The following ADGRL3 variants were observed in gnomAD, a reference collection of about 807,000 sequenced individuals.
The protein encoded by ADGRL3 is calcium-independent alpha-latrotoxin receptor 3.
In ADGRL3, 62 loss-of-function variants were observed where a neutral mutation model predicts 153.5. The observed-to-expected ratio is 0.40, with a 90% CI of 0.33 to 0.50. The LOEUF (loss-of-function observed/expected upper bound fraction) is 0.50. Among genes scored for constraint, ADGRL3 ranks in the 20% least tolerant of loss-of-function variants. The pLI is 0.47. For synonymous variants in ADGRL3, 710 were observed against 672.5 expected (o/e 1.06, Z -0.86); for missense variants, 1,641 against 1,859.4 (o/e 0.88, Z 2.16).
rs556222540 is a variant in ADGRL3 at position 61,319,614 on chromosome 4, C to A, written c.-239-63510C>A. Among the ~76,000 whole-genome samples, 4 of 152,184 alleles carry A rather than the reference C, an allele frequency of 2.6e-5. No individual in the cohort carries two copies. In the South Asian group the frequency reaches 6.2e-4, roughly 24 times the overall value. ...AAGGCCCAACTTACTGTTTGCCAGA[C>A]TAATAAACTGAGAATTAATGTATCT... On this transcript the variant is annotated intron_variant, in intron 1 of 26. Transcript: ENST00000683033.
intron 1 of ADGRL3, among the ~76,000 whole-genome samples, chr4:61,268,907 C>T (rs28397991): frequency 0.032 from 4,822 of 151,550 alleles, 258 homozygotes; most frequent in African/African-American, 0.11. Flanking sequence ...TAAGTAATTG[C>T]GTCAACTCAT....
chr4:61,918,819 C>G (rs2098755745), intron 13 of ADGRL3, among the ~76,000 whole-genome samples: 2 of 152,142 alleles, frequency 1.3e-5, no homozygotes, highest in African/African-American at 4.8e-5. Flanking sequence ...TTTGCCCATT[C>G]TTTTCAACTT....
chr4:61,760,828 G>A (rs2096903828), intron 8 of ADGRL3, among the ~76,000 whole-genome samples: 1 of 152,056 alleles, frequency 6.6e-6, no homozygotes, highest in Non-Finnish European at 1.5e-5. Context: ...ATTGAGACAG[G>A]GAAATTGCAA....
intron 3 of ADGRL3, among the ~76,000 whole-genome samples, chr4:61,506,995 G>T (rs941952944): frequency 6.6e-6 from 1 of 152,056 alleles, no homozygotes; most frequent in African/African-American, 2.4e-5. Context: ...ACTCATTACT[G>T]ATTCTCTCCA....
chr4:61,859,058 A>G (rs1266368953), intron 9 of ADGRL3, among the ~76,000 whole-genome samples: 1 of 152,202 alleles, frequency 6.6e-6, no homozygotes, highest in East Asian at 1.9e-4. Flanking sequence ...TTTAATACAT[A>G]CATTAACTTT....
At position 61,430,931 on chromosome 4, in the gene ADGRL3, A is replaced by G. The variant is rs76278971; in HGVS notation, c.-174+47742A>G. 1.2e-3 allele frequency among the ~76,000 whole-genome samples: 181 copies of G among 152,318 alleles called. 5 individuals carry two copies. The East Asian group carries it at 0.032, about 27-fold the overall frequency. ...CAGGAAAGCTTCAAGGTGGTTGTTA[A>G]AAGAGTAATGAGTCTTAAATGATAG... On this transcript the variant is annotated intron_variant, in intron 2 of 26. Transcript: ENST00000683033.
chr4:62,047,662 G>T (rs774220025), intron 25 of ADGRL3, among the ~76,000 whole-genome samples: 1 of 152,026 alleles, frequency 6.6e-6, no homozygotes, highest in Non-Finnish European at 1.5e-5. Context: ...ATTCTCTTTG[G>T]AAGTTTGTTG....
chr4:61,906,832 C>G lies in ADGRL3; in HGVS notation c.1888-2728C>G, dbSNP rs1208652415. Among the ~76,000 whole-genome samples, 95 of 151,500 alleles carry G rather than the reference C, an allele frequency of 6.3e-4. 3 individuals carry two copies. The highest frequency in any genetic ancestry group is 6.3e-3 in the Admixed American group (95 of 15,160). Reference sequence around the variant, plus strand: ...TTTATTGTTTCTTTAACATTCAATCCTGATATAAATGCTAAGCATCCCAAG... The same window carrying G: ...TTTATTGTTTCTTTAACATTCAATCGTGATATAAATGCTAAGCATCCCAAG... On this transcript the variant is annotated intron_variant, in intron 11 of 26. Transcript: ENST00000683033.
At chr4:61,871,556 C>T (rs2149391470) in intron 9 of ADGRL3, among the ~76,000 whole-genome samples, 1 of 152,234 alleles carries the variant, frequency 6.6e-6, no homozygotes, top group South Asian at 2.1e-4. Flanking sequence ...TATGAAATCT[C>T]TAGACCAGGA....
chr4:61,919,960 T>C (rs2098761183), intron 13 of ADGRL3, among the ~76,000 whole-genome samples: 1 of 152,184 alleles, frequency 6.6e-6, no homozygotes, highest in South Asian at 2.1e-4. Context: ...ATGGGAAAAG[T>C]GTCTTTCTGT....
chr4:61,632,603 GT>G (rs1054942562), intron 5 of ADGRL3, among the ~76,000 whole-genome samples: 1 of 152,060 alleles, frequency 6.6e-6, no homozygotes, highest in Non-Finnish European at 1.5e-5. Context: ...GGCCCTTGAT[GT>G]TTTATACCAG....
intron 1 of ADGRL3, among the ~76,000 whole-genome samples, chr4:61,342,376 T>C (rs915450241): frequency 6.6e-6 from 1 of 152,168 alleles, no homozygotes; most frequent in African/African-American, 2.4e-5. Context: ...CTAAATTATA[T>C]AAATATTTAA....
chr4:61,559,005 C>A (rs920066623), intron 4 of ADGRL3, among the ~76,000 whole-genome samples: 1 of 151,804 alleles, frequency 6.6e-6, no homozygotes, highest in African/African-American at 2.4e-5. Flanking sequence ...ACACTGTATG[C>A]AAAATAGTAA....
chr4:61,337,812 G>A (rs988060077), intron 1 of ADGRL3, among the ~76,000 whole-genome samples: 11 of 151,964 alleles, frequency 7.2e-5, no homozygotes, highest in Admixed American at 2.0e-4. Flanking sequence ...ATATTATTGT[G>A]TCTCTCAATT....
chr4:61,563,712 T>G (rs2098804705), intron 4 of ADGRL3, among the ~76,000 whole-genome samples: 1 of 152,174 alleles, frequency 6.6e-6, no homozygotes, highest in Non-Finnish European at 1.5e-5. Flanking sequence ...GATTACTTCT[T>G]TTTTAAAACC....
At chr4:62,002,102 C>T (rs1479410821) in intron 21 of ADGRL3, among the ~76,000 whole-genome samples, 1 of 151,796 alleles carries the variant, frequency 6.6e-6, no homozygotes, top group African/African-American at 2.4e-5. Flanking sequence ...CTTCTCTGTC[C>T]ACATCAATTC....
intron 1 of ADGRL3, among the ~76,000 whole-genome samples, chr4:61,338,746 C>T (rs1289662890): frequency 1.3e-5 from 2 of 151,988 alleles, no homozygotes; most frequent in African/African-American, 2.4e-5. Context: ...CCAATATATA[C>T]CAATATGTTT....
At chr4:61,548,155 A>G (rs1579461158) in intron 4 of ADGRL3, among the ~76,000 whole-genome samples, 2 of 151,860 alleles carry the variant, frequency 1.3e-5, no homozygotes, top group East Asian at 3.9e-4. Flanking sequence ...ACATTTGTTT[A>G]TGTTCCTCAT....
chr4:61,872,040 T>TTTTG (rs1290566815), intron 9 of ADGRL3, among the ~76,000 whole-genome samples: 1 of 152,228 alleles, frequency 6.6e-6, no homozygotes, highest in Non-Finnish European at 1.5e-5. Context: ...AGTGAGGAAT[T>TTTTG]TTTGTTTGTT....
Sources: allele counts gnomAD v4.1 joint callset (sites outside exome capture counted in the v4.1 genomes callset), GRCh38; gene constraint gnomAD v4.1.1; transcripts MANE v1.5; gene names NCBI Gene and HGNC (gene_info 2026-07-23, HGNC 2026-07-21).